The following CHORDC1 variants were observed in gnomAD, a reference collection of about 807,000 sequenced individuals.
CHORDC1 encodes the protein cysteine and histidine rich domain containing 1.
In CHORDC1, 25 loss-of-function variants were observed where a neutral mutation model predicts 48.3. The observed-to-expected ratio is 0.52, with a 90% CI of 0.38 to 0.72. The LOEUF is 0.72. Among genes scored for constraint, CHORDC1 ranks in the 30% least tolerant of loss-of-function variants. The pLI is 0.00. For synonymous variants in CHORDC1, 128 were observed against 126.4 expected (o/e 1.01, Z -0.09); for missense variants, 317 against 388.7 (o/e 0.82, Z 1.55).
chr11:90,221,108 G>A (rs1858160628), intron 1 of CHORDC1, among the ~76,000 whole-genome samples: 1 of 151,904 alleles, frequency 6.6e-6, no homozygotes. Context: ...AAAGCATTTA[G>A]TGTAGATTAA....
intron 1 of CHORDC1, 191 bp downstream of exon 1, chr11:90,222,700 G>C (rs1046182790): frequency 2.1e-5 from 15 of 706,858 alleles, no homozygotes; most frequent in Non-Finnish European, 3.6e-5. Context: ...CCGGGCGCTC[G>C]CCAAGGGAAC....
At chr11:90,211,073 T>A (rs1857847893) in intron 5 of CHORDC1, 142 bp downstream of exon 5, 4 of 537,150 alleles carry the variant, frequency 7.4e-6, no homozygotes, top group Non-Finnish European at 1.3e-5. Flanking sequence ...GTTTATCATA[T>A]CTGACATTTA....
Position 90,202,481 on chromosome 11 carries a change from T to G in CHORDC1, c.923A>C (p.Glu308Ala). 6.2e-7 allele frequency: 1 copy of G among 1,612,774 alleles called. No individual in the cohort carries two copies. ...TTCAAGGCTTGCCCACTGCATCGGT[T>G]CAGCTTTTCTCATAGTGATTTCAAT... ...TKIEITMRKA[E>A]PMQWASLELP... Residue 308 changes from glutamate (E) to alanine (A), a missense_variant, in exon 11 of 11, where the codon GAA becomes GCA. Transcript: ENST00000320585.
At chr11:90,216,570 T>A (rs533034507) in intron 2 of CHORDC1, 74 of 438,988 alleles carry the variant, frequency 1.7e-4, no homozygotes, top group African/African-American at 1.5e-3. Flanking sequence ...GAAATGGTTA[T>A]AAAATAGAGA....
Position 90,202,195 on chromosome 11 carries a change from A to G in CHORDC1, c.*210T>C, listed in dbSNP as rs746752801. On this transcript the variant is annotated 3_prime_UTR_variant, in exon 11 of 11. Transcript: ENST00000320585. ...ACAACTATGGTTCCTACCAGTAGGG[A>G]GAAATGAATAATCAATCTTACATAA... 1.9e-5 allele frequency: 10 copies of G among 539,200 alleles called. No individual in the cohort carries two copies. The highest frequency in any genetic ancestry group is 3.0e-5 in the Non-Finnish European group (9 of 304,882). 33.4% of individuals were successfully genotyped at this position (539,200 alleles called of 1,614,324 possible).
At chr11:90,211,157 G>T in intron 5 of CHORDC1, 58 bp downstream of exon 5, 1 of 1,184,402 alleles carries the variant, frequency 8.4e-7, no homozygotes, top group Non-Finnish European at 1.2e-6. Context: ...TCTCTCTTTT[G>T]GATAACTGCT....
chr11:90,208,741 GGT>G, intron 6 of CHORDC1: 1 of 152,188 alleles, frequency 6.6e-6, no homozygotes, highest in East Asian at 1.9e-4. Context: ...CTGCATTGCT[GGT>G]GTGTTTAATT....
Position 90,214,026 on chromosome 11 carries a change from T to G in CHORDC1, c.321A>C (p.Lys107Asn), listed in dbSNP as rs1857939887. Residue 107 changes from lysine to asparagine, a missense_variant, in exon 4 of 11, where the codon AAA (lysine) becomes AAC (asparagine). Transcript: ENST00000320585. ...AACTGTATAAAGTATACCTTGGTCT[T>G]TTTATTGCTTCTACTGGCTTAGGGG... ...IQAPKPVEAI[K>N]RPSPDEPMTN... 1.9e-6 allele frequency: 3 copies of G among 1,611,186 alleles called. No homozygotes were observed. The highest frequency in any genetic ancestry group is 1.7e-5 in the Admixed American group (1 of 59,480).
intron 4 of CHORDC1, chr11:90,211,625 G>A (rs796165905): frequency 2.2e-4 from 56 of 250,248 alleles, no homozygotes; most frequent in Admixed American, 8.6e-4. Context: ...TTTTCAAGAT[G>A]AGTAATGCTG....
intron 6 of CHORDC1, chr11:90,207,390 T>G (rs1857726286): frequency 1.3e-5 from 2 of 152,228 alleles, no homozygotes; most frequent in Admixed American, 1.3e-4. Context: ...TAAATGTGCC[T>G]CCATATGAGA....
rs1342211023 is a variant in CHORDC1, at chr11:90,205,672, ACT to A, written c.564-109_564-108del. The A allele has an allele frequency of 5.8e-6, 4 of 687,492 alleles. No homozygotes were observed. The African/African-American group carries it at 7.2e-5, about 12-fold the overall frequency. 42.6% of individuals were successfully genotyped at this position (687,492 alleles called of 1,614,324 possible). A position where few individuals can be genotyped will look rare whatever the true frequency, so the allele number is the denominator to read the frequency against. On this transcript the variant is annotated intron_variant, in intron 7 of 10. Transcript: ENST00000320585. ...TTTTAATAAGCCAGTAAGTGTACAA[ACT>A]CTAGCATTTTACAAGTGTCTAAGTT...
In CHORDC1 at chr11:90,215,465, G is replaced by A. The variant is rs1315676069; in HGVS notation, c.115-235C>T. Among the ~76,000 whole-genome samples the A allele has an allele frequency of 4.6e-5, 7 of 151,894 alleles. No individual in the cohort carries two copies. In the East Asian group the frequency reaches 1.2e-3, roughly 25 times the overall value. The stretch of plus-strand genomic sequence containing the variant: ...TTTGTGCTATGCCCTATCATCAAGG[G>A]AAGCACCTTTATAAAACAAAAACTG... On this transcript the variant is annotated intron_variant, in intron 2 of 10. Transcript: ENST00000320585.
At chr11:90,210,254 G>T (rs577634325) in intron 6 of CHORDC1, among the ~76,000 whole-genome samples, 1 of 152,110 alleles carries the variant, frequency 6.6e-6, no homozygotes, top group African/African-American at 2.4e-5. Context: ...CATAAGAAAA[G>T]AAATGTTTGC....
intron 6 of CHORDC1, chr11:90,206,956 A>T (rs1314625743): frequency 2.7e-6 from 1 of 364,908 alleles, no homozygotes; most frequent in Non-Finnish European, 5.3e-6. Flanking sequence ...ACAGTATTAG[A>T]TGTGTATTTC....
rs746794222 is a variant in CHORDC1 at position 90,203,360 on chromosome 11, T to C, written c.737A>G (p.Tyr246Cys). 6.2e-7 allele frequency: 1 copy of C among 1,600,948 alleles called. No homozygotes were observed. The highest frequency in any genetic ancestry group is 1.7e-5 in the Admixed American group (1 of 59,958). ...QTGGEVTISVYAKNSLPELSR... is the reference protein window; with the variant it reads ...QTGGEVTISVCAKNSLPELSR... Reference sequence around the variant, plus strand: ...AAGTTCTGGAAGTGAGTTTTTAGCATATACTGAAATGGTAACTTCACCTCC... The same window carrying C: ...AAGTTCTGGAAGTGAGTTTTTAGCACATACTGAAATGGTAACTTCACCTCC... Residue 246 changes from tyrosine (Y) to cysteine (C), a missense_variant, in exon 9 of 11, where the codon TAT (tyrosine) becomes TGT (cysteine). By Grantham distance (194) the Tyr-to-Cys change is radical. Coordinates refer to ENST00000320585, the MANE Select transcript of CHORDC1 (RefSeq NM_012124.3).
chr11:90,213,423 G>C (rs780007093), intron 4 of CHORDC1: 39 of 698,976 alleles, frequency 5.6e-5, no homozygotes, highest in Non-Finnish European at 9.9e-5. Flanking sequence ...AAGAAGACCT[G>C]GTTCAACAAA....
At chr11:90,216,677 A>G in intron 2 of CHORDC1, 1 of 294,148 alleles carries the variant, frequency 3.4e-6, no homozygotes. Flanking sequence ...GGTAAGAGAA[A>G]AAACGGGCAA....
intron 4 of CHORDC1, 119 bp downstream of exon 4, chr11:90,213,899 A>G (rs1857934003): frequency 1.0e-5 from 9 of 857,558 alleles, no homozygotes; most frequent in Non-Finnish European, 1.4e-5. Context: ...CAAATGGTTC[A>G]AAGCTTGGTG....
intron 4 of CHORDC1, chr11:90,213,267 G>A (rs1012258765): frequency 3.5e-6 from 2 of 569,994 alleles, no homozygotes; most frequent in Admixed American, 6.0e-5. Context: ...TAGGATCAAA[G>A]GAGAATAAAG....
Sources: allele counts gnomAD v4.1 joint callset (sites outside exome capture counted in the v4.1 genomes callset), GRCh38; gene constraint gnomAD v4.1.1; transcripts MANE v1.5; gene names NCBI Gene and HGNC (gene_info 2026-07-23, HGNC 2026-07-21).